Variants in AKAP6 observed in about 807,000 individuals in gnomAD.
The protein encoded by AKAP6 is A-kinase anchoring protein 6.
A neutral mutation model predicts 188.5 loss-of-function variants in AKAP6; 58 were observed. The observed-to-expected ratio is 0.31, with a 90% CI of 0.25 to 0.38. The LOEUF (loss-of-function observed/expected upper bound fraction) is 0.38, where lower values mean the gene tolerates loss of function less well. Among genes scored for constraint, AKAP6 ranks in the 10% least tolerant of loss-of-function variants. The probability of loss-of-function intolerance (pLI) is 1.00; values close to 1 mark genes in which losing one functional copy is unlikely to be tolerated. For missense variants in AKAP6, 2,710 were observed against 2,740.0 expected (o/e 0.99, Z 0.24); for synonymous variants, 989 against 998.6 (o/e 0.99, Z 0.18).
intron 5 of AKAP6, among the ~76,000 whole-genome samples, chr14:32,586,724 C>G (rs964951346): frequency 2.6e-5 from 4 of 152,138 alleles, no homozygotes; most frequent in Non-Finnish European, 4.4e-5. Flanking sequence ...TGACTTCATC[C>G]TTTTGGATGG....
intron 7 of AKAP6, among the ~76,000 whole-genome samples, chr14:32,645,038 A>G (rs1447125233): frequency 1.3e-5 from 2 of 152,154 alleles, no homozygotes; most frequent in Non-Finnish European, 2.9e-5. Flanking sequence ...ATCTTCTATC[A>G]TCTTTGCTAT....
At chr14:32,684,293 G>A (rs1465675075) in intron 8 of AKAP6, among the ~76,000 whole-genome samples, 2 of 152,144 alleles carry the variant, frequency 1.3e-5, no homozygotes, top group Non-Finnish European at 2.9e-5. Context: ...TTTAAGGAAT[G>A]CTTATTTTAA....
chr14:32,512,646 T>C (rs1240025749), intron 2 of AKAP6, among the ~76,000 whole-genome samples: 2 of 152,176 alleles, frequency 1.3e-5, no homozygotes, highest in Admixed American at 6.5e-5. Context: ...AAAAGGGCAA[T>C]GAGGGTGGAT....
At chr14:32,750,742 T>G (rs910916238) in intron 11 of AKAP6, among the ~76,000 whole-genome samples, 1 of 139,706 alleles carries the variant, frequency 7.2e-6, no homozygotes, top group East Asian at 2.6e-4. Context: ...ATTTTGTTTT[T>G]TTTTTTTTGT....
At chr14:32,548,080 G>T (rs981027317) in intron 4 of AKAP6, among the ~76,000 whole-genome samples, 1 of 147,302 alleles carries the variant, frequency 6.8e-6, no homozygotes, top group Non-Finnish European at 1.5e-5. Flanking sequence ...GGTATGCAAC[G>T]CTCTCCCACA....
intron 11 of AKAP6, among the ~76,000 whole-genome samples, chr14:32,756,676 T>G (rs2032345372): frequency 6.6e-6 from 1 of 152,170 alleles, no homozygotes; most frequent in East Asian, 1.9e-4. Context: ...GGAGCTAGCT[T>G]AGAGCCTAAG....
At chr14:32,755,135 G>A (rs565346837) in intron 11 of AKAP6, among the ~76,000 whole-genome samples, 1 of 152,104 alleles carries the variant, frequency 6.6e-6, no homozygotes, top group Non-Finnish European at 1.5e-5. Flanking sequence ...TCATATGCAT[G>A]CATTGGTTCA....
chr14:32,810,171 T>A (rs1206456987), intron 12 of AKAP6, among the ~76,000 whole-genome samples: 1 of 152,160 alleles, frequency 6.6e-6, no homozygotes, highest in Non-Finnish European at 1.5e-5. Context: ...CCCCATATCT[T>A]AGAGTTTGGG....
intron 4 of AKAP6, among the ~76,000 whole-genome samples, chr14:32,549,408 G>T (rs1417318973): frequency 1.3e-5 from 2 of 152,206 alleles, no homozygotes; most frequent in African/African-American, 2.4e-5. Flanking sequence ...TGGCGTTTCA[G>T]GTAGGAGGAG....
chr14:32,741,855 T>C (rs1366846408), intron 11 of AKAP6, among the ~76,000 whole-genome samples: 2 of 140,762 alleles, frequency 1.4e-5, no homozygotes, highest in African/African-American at 5.2e-5. Flanking sequence ...AGTGCGTCTC[T>C]GTCTGGTTTC....
chr14:32,486,068 A>G (rs1435269435), intron 2 of AKAP6, among the ~76,000 whole-genome samples: 2 of 152,198 alleles, frequency 1.3e-5, no homozygotes, highest in African/African-American at 2.4e-5. Context: ...TGTTTATTAA[A>G]TAGGGAATCC....
chr14:32,737,872 A>G (rs1594896341), intron 11 of AKAP6, among the ~76,000 whole-genome samples: 1 of 152,170 alleles, frequency 6.6e-6, no homozygotes, highest in South Asian at 2.1e-4. Context: ...TCCTTCTAAT[A>G]GATTGGTCTG....
intron 7 of AKAP6, among the ~76,000 whole-genome samples, chr14:32,634,264 T>C (rs541631102): frequency 6.6e-6 from 1 of 152,196 alleles, no homozygotes; most frequent in Admixed American, 6.6e-5. Context: ...CACAGGGCTA[T>C]AATATTAACT....
At chr14:32,356,418 C>A (rs1887487878) in intron 1 of AKAP6, among the ~76,000 whole-genome samples, 1 of 152,174 alleles carries the variant, frequency 6.6e-6, no homozygotes, top group South Asian at 2.1e-4. Flanking sequence ...CACGTCTACA[C>A]CTGCGTTTGC....
chr14:32,824,511 A>C lies in AKAP6; in HGVS notation c.6698A>C (p.Gln2233Pro). The C allele has an allele frequency of 6.2e-7, 1 of 1,613,994 alleles. No homozygotes were observed. The highest frequency in any genetic ancestry group is 1.7e-5 in the Admixed American group (1 of 59,942). Residue 2233 changes from glutamine (Q) to proline (P), a missense_variant, in exon 13 of 14, where the codon CAA (glutamine) becomes CCA (proline). Physicochemically the swap from Gln to Pro is moderately conservative, Grantham distance 76 (BLOSUM62 -1). Transcript: ENST00000280979. The stretch of plus-strand genomic sequence containing the variant: ...GGAAAGGAAGTGAATGGTTTGCCCC[A>C]AACTTCCAGTGGCTGTGCAGAAAAC... The part of the protein sequence containing the change: ...EVGKEVNGLP[Q>P]TSSGCAENLE...
At chr14:32,439,021 T>A (rs1266762747) in intron 2 of AKAP6, 1 of 152,102 alleles carries the variant, frequency 6.6e-6, no homozygotes, top group Non-Finnish European at 1.5e-5. Context: ...TGGAATCAGC[T>A]CCCCCAAAAC....
Position 32,515,582 on chromosome 14 carries a change from A to G in AKAP6, c.325-19972A>G, listed in dbSNP as rs142484430. Among the ~76,000 whole-genome samples, 332 of 152,302 alleles carry G rather than the reference A, an allele frequency of 2.2e-3. 1 individual carries two copies. Among genetic ancestry groups the G allele is most frequent in the African/African-American group, 7.6e-3 (315 of 41,562 alleles). ...AAACAAAAGAAAATCTTTGGGCTTG[A>G]GAGTACAGGTCACCCATCTAGCACT... On this transcript the variant is annotated intron_variant, in intron 2 of 13. Transcript: ENST00000280979.
At chr14:32,776,590 T>C (rs2033073573) in intron 12 of AKAP6, among the ~76,000 whole-genome samples, 1 of 152,222 alleles carries the variant, frequency 6.6e-6, no homozygotes, top group African/African-American at 2.4e-5. Flanking sequence ...ACATAGTAGG[T>C]CTACAAATAA....
At position 32,830,158 on chromosome 14, in the gene AKAP6, T is replaced by C; in HGVS notation, c.*353T>C. 3.6e-6 allele frequency: 2 copies of C among 551,122 alleles called. No individual in the cohort carries two copies. The allele number at this position is 551,122 out of a possible 1,614,324, so 34.1% of individuals were successfully genotyped here. A position where few individuals can be genotyped will look rare whatever the true frequency, so the allele number is the denominator to read the frequency against. ...TCCCTTCCCTTCCACTCTTTAAAGT[T>C]CTGCAGTTCACCAACTGGTAGTCCA... is the stretch of plus-strand genomic sequence containing the variant. On this transcript the variant is annotated 3_prime_UTR_variant, in exon 14 of 14. Coordinates refer to ENST00000280979, the MANE Select transcript of AKAP6 (RefSeq NM_004274.5).
Sources: allele counts gnomAD v4.1 joint callset (sites outside exome capture counted in the v4.1 genomes callset), GRCh38; gene constraint gnomAD v4.1.1; transcripts MANE v1.5; gene names NCBI Gene and HGNC (gene_info 2026-07-23, HGNC 2026-07-21).